WWC2: variants seen among roughly 807,000 people sequenced by gnomAD.
The protein encoded by WWC2 is protein WWC2.
Under a neutral mutation model 138.5 loss-of-function variants are expected in WWC2, and 101 were observed. That is an observed-to-expected ratio of 0.73 (90% confidence interval 0.62 to 0.86). WWC2 has a LOEUF of 0.86. Among genes scored for constraint, WWC2 ranks in the 40% least tolerant of loss-of-function variants. The pLI, the probability that WWC2 is intolerant of heterozygous loss-of-function variation, is 0.00. For missense variants in WWC2, 1,420 were observed against 1,419.4 expected, an observed-to-expected ratio of 1.00 and a Z score of -0.01; for synonymous variants, 558 against 538.4, an observed-to-expected ratio of 1.04 and a Z score of -0.50.
chr4:183,247,775 C>CTATATATATATTATATATATAGTATATAG (rs1560865086), intron 6 of WWC2, among the ~76,000 whole-genome samples: 1 of 131,610 alleles, frequency 7.6e-6, no homozygotes, highest in African/African-American at 2.8e-5. Context: ...AATATATATA[C>CTATATATATATTATATATATAGTATATAG]TATATATATA....
At chr4:183,158,571 C>T (rs1733869700) in intron 1 of WWC2, among the ~76,000 whole-genome samples, 2 of 151,874 alleles carry the variant, frequency 1.3e-5, no homozygotes, top group Admixed American at 1.3e-4. Context: ...TTAATTATGT[C>T]TTTAAGGGCC....
At position 183,319,729 on chromosome 4, in the gene WWC2, C is replaced by G. The variant is rs1268233143; in HGVS notation, c.*4000C>G. The G allele has an allele frequency of 6.2e-7, 1 of 1,613,878 alleles. No homozygotes were observed. Among genetic ancestry groups the G allele is most frequent in the African/African-American group, 1.3e-5 (1 of 74,890 alleles). On this transcript the variant is annotated 3_prime_UTR_variant, in exon 23 of 23. Transcript: ENST00000403733. ...GCAAACCAGCCCAGAAACAGGGCCT[C>G]CCCAAACTCCCACCTGGGGACAAAG...
chr4:183,183,414 G>A (rs1016823420), intron 1 of WWC2, among the ~76,000 whole-genome samples: 6 of 152,014 alleles, frequency 3.9e-5, no homozygotes, highest in Admixed American at 6.5e-5. Context: ...ACTGTATCGA[G>A]TTACAAAGTC....
At chr4:183,265,176 G>A in intron 12 of WWC2, 69 bp downstream of exon 12, 1 of 1,517,516 alleles carries the variant, frequency 6.6e-7, no homozygotes, top group Non-Finnish European at 8.8e-7. Flanking sequence ...GTTATATGCT[G>A]TAAATGGACT....
chr4:183,209,487 T>G (rs1215511833), intron 4 of WWC2, among the ~76,000 whole-genome samples: 5 of 152,206 alleles, frequency 3.3e-5, no homozygotes, highest in Non-Finnish European at 7.3e-5. Context: ...TCTGCCCGCC[T>G]TAGCCTCCCA....
chr4:183,175,353 C>T (rs1444688342), intron 1 of WWC2, among the ~76,000 whole-genome samples: 2 of 152,094 alleles, frequency 1.3e-5, no homozygotes, highest in African/African-American at 4.8e-5. Flanking sequence ...CCTTGATCTC[C>T]TGGGCTCAGG....
At chr4:183,159,103 T>C (rs1733886601) in intron 1 of WWC2, among the ~76,000 whole-genome samples, 1 of 152,178 alleles carries the variant, frequency 6.6e-6, no homozygotes, top group African/African-American at 2.4e-5. Flanking sequence ...AATGCAAAAT[T>C]CTCATTATGC....
intron 1 of WWC2, among the ~76,000 whole-genome samples, chr4:183,120,793 G>A (rs1356398224): frequency 1.3e-5 from 2 of 152,138 alleles, no homozygotes; most frequent in Non-Finnish European, 2.9e-5. Flanking sequence ...GTCTTGCTTT[G>A]TGGCCCAGGC....
intron 4 of WWC2, among the ~76,000 whole-genome samples, chr4:183,218,646 A>G (rs1002639713): frequency 1.3e-5 from 2 of 152,210 alleles, no homozygotes; most frequent in Non-Finnish European, 2.9e-5. Flanking sequence ...CAGTCCAAAG[A>G]CCAGCAGCCT....
At position 183,099,358 on chromosome 4, in the gene WWC2, C is replaced by A; in HGVS notation, c.-134C>A. On this transcript the variant is annotated 5_prime_UTR_variant, in exon 1 of 23. Coordinates refer to ENST00000403733, the MANE Select transcript of WWC2 (RefSeq NM_024949.6). ...CCTCCCGCGCGTGGTTCCGCCGCGC[C>A]CCGCGCCCTGCGCCCCTCAGCCCCT... 1.0e-6 allele frequency: 1 copy of A among 958,190 alleles called. No homozygotes were observed. 59.4% of individuals were successfully genotyped at this position (958,190 alleles called of 1,614,324 possible). A position where few individuals can be genotyped will look rare whatever the true frequency, so the allele number is the denominator to read the frequency against.
intron 4 of WWC2, among the ~76,000 whole-genome samples, chr4:183,224,419 T>G (rs1366931142): frequency 6.6e-6 from 1 of 152,212 alleles, no homozygotes; most frequent in Non-Finnish European, 1.5e-5. Flanking sequence ...ACTTTCCCCC[T>G]GCATCACCAC....
intron 1 of WWC2, among the ~76,000 whole-genome samples, chr4:183,141,980 G>T (rs1247008235): frequency 6.6e-6 from 1 of 152,192 alleles, no homozygotes; most frequent in Non-Finnish European, 1.5e-5. Context: ...AACAGACAAA[G>T]AAATACATAG....
chr4:183,184,215 G>C (rs1734729123), intron 1 of WWC2, among the ~76,000 whole-genome samples: 1 of 152,122 alleles, frequency 6.6e-6, no homozygotes. Flanking sequence ...ATTTCATATA[G>C]TGGAATCGTA....
Position 183,117,894 on chromosome 4 carries a change from G to A in WWC2, c.131+18272G>A, listed in dbSNP as rs1212620744. On this transcript the variant is annotated intron_variant, in intron 1 of 22. Coordinates refer to ENST00000403733, the MANE Select transcript of WWC2 (RefSeq NM_024949.6). Reference sequence around the variant, plus strand: ...TGGCTCACTGCAACTGCCGCTTCCCGGGTTCAAGCGATTCTCCTGCCTCTG... The same window carrying A: ...TGGCTCACTGCAACTGCCGCTTCCCAGGTTCAAGCGATTCTCCTGCCTCTG... Among the ~76,000 whole-genome samples, 7 of 152,052 alleles carry A rather than the reference G, an allele frequency of 4.6e-5. No homozygotes were observed. In the East Asian group the frequency reaches 5.8e-4, roughly 13 times the overall value.
intron 2 of WWC2, among the ~76,000 whole-genome samples, chr4:183,206,561 A>G (rs915503915): frequency 1.3e-5 from 2 of 152,244 alleles, no homozygotes; most frequent in African/African-American, 2.4e-5. Context: ...TTTAACAAAT[A>G]TTTTAGAAGT....
At chr4:183,308,386 G>A (rs2111114653) in intron 21 of WWC2, among the ~76,000 whole-genome samples, 1 of 152,248 alleles carries the variant, frequency 6.6e-6, no homozygotes, top group South Asian at 2.1e-4. Context: ...AGTTTATATG[G>A]AGAGGCATAA....
Position 183,253,743 on chromosome 4 carries a change from C to CTT in WWC2, c.954-4_954-3dup. 1.6e-6 allele frequency: 2 copies of CTT among 1,232,290 alleles called. No individual in the cohort carries two copies. The highest frequency in any genetic ancestry group is 1.4e-5 in the South Asian group (1 of 69,618). 76.3% of individuals were successfully genotyped at this position (1,232,290 alleles called of 1,614,324 possible). A position where few individuals can be genotyped will look rare whatever the true frequency, so the allele number is the denominator to read the frequency against. ...TTAAGTATGTGCATACCTCTTCTATCTTTTTTTTTTTAGTATGGCCAACTT... is the reference window on the plus strand; with the variant it reads ...TTAAGTATGTGCATACCTCTTCTATCTTTTTTTTTTTTTAGTATGGCCAACTT... On this transcript the variant is annotated splice_polypyrimidine_tract_variant and intron_variant, in intron 8 of 22. Coordinates refer to ENST00000403733, the MANE Select transcript of WWC2 (RefSeq NM_024949.6).
chr4:183,312,618 C>A, intron 22 of WWC2, 150 bp downstream of exon 22: 1 of 1,232,604 alleles, frequency 8.1e-7, no homozygotes, highest in Non-Finnish European at 1.1e-6. Context: ...CCATTTGCAC[C>A]TGAGGTGATA....
intron 9 of WWC2, among the ~76,000 whole-genome samples, chr4:183,259,205 G>A (rs961856837): frequency 3.3e-5 from 5 of 152,116 alleles, no homozygotes; most frequent in East Asian, 3.9e-4. Context: ...TGGAACAAGC[G>A]TTACTAAATT....
Sources: gnomAD v4.1 joint callset for allele counts (sites outside exome capture counted in the v4.1 genomes callset) on GRCh38, gnomAD v4.1.1 for gene constraint, MANE v1.5 for transcripts, NCBI Gene and HGNC (gene_info 2026-07-23, HGNC 2026-07-21) for gene names.